CADM2: variants seen among roughly 807,000 people sequenced by gnomAD.
The protein encoded by CADM2 is immunoglobulin superfamily member 4D.
In CADM2, 12 loss-of-function variants were observed where a neutral mutation model predicts 49.8. The ratio of observed to expected loss-of-function variants is 0.24; its 90% CI spans 0.15 to 0.39. The LOEUF (loss-of-function observed/expected upper bound fraction) is 0.39, where lower values mean the gene tolerates loss of function less well. Ranked by LOEUF, CADM2 falls within the 10% of genes least tolerant of loss-of-function variation. The pLI, the probability that CADM2 is intolerant of heterozygous loss-of-function variation, is 1.00. For missense variants in CADM2, 378 were observed against 492.3 expected, an observed-to-expected ratio of 0.77 and a Z score of 2.20; for synonymous variants, 214 against 175.4, an observed-to-expected ratio of 1.22 and a Z score of -1.74.
intron 1 of CADM2, among the ~76,000 whole-genome samples, chr3:85,178,962 T>C (rs1465483569): frequency 6.6e-6 from 1 of 151,934 alleles, no homozygotes; most frequent in Non-Finnish European, 1.5e-5. Context: ...AATTATACTT[T>C]TGAATGAAGA....
intron 1 of CADM2, among the ~76,000 whole-genome samples, chr3:85,707,118 C>T (rs578245841): frequency 1.3e-5 from 2 of 152,110 alleles, no homozygotes; most frequent in Non-Finnish European, 2.9e-5. Flanking sequence ...AGGCATGAGC[C>T]ACCAAGCCCA....
intron 1 of CADM2, among the ~76,000 whole-genome samples, chr3:85,416,166 C>A (rs2035911177): frequency 6.6e-6 from 1 of 152,000 alleles, no homozygotes; most frequent in African/African-American, 2.4e-5. Flanking sequence ...GTGAATAAAG[C>A]TCAGTTGTTT....
In CADM2 at chr3:85,875,242, AT is replaced by A. The variant is rs889601582; in HGVS notation, c.239-8040del. Among the ~76,000 whole-genome samples the A allele has an allele frequency of 4.4e-3, 665 of 151,414 alleles. 5 individuals are homozygous for A. The highest frequency in any genetic ancestry group is 0.014 in the African/African-American group (599 of 41,334). Reference sequence around the variant, plus strand: ...TTATTCTGTCTGTAATACAAATCTTATTTTTTTTTCCTGGCAATTTGTACTA... The same window carrying A: ...TTATTCTGTCTGTAATACAAATCTTATTTTTTTTCCTGGCAATTTGTACTA... On this transcript the variant is annotated intron_variant, in intron 3 of 9. Transcript: ENST00000383699.
At chr3:85,456,482 T>C (rs574014895) in intron 1 of CADM2, among the ~76,000 whole-genome samples, 4 of 152,326 alleles carry the variant, frequency 2.6e-5, no homozygotes, top group African/African-American at 9.6e-5. Flanking sequence ...TGATATTCTG[T>C]GCAGTCTTAA....
intron 1 of CADM2, among the ~76,000 whole-genome samples, chr3:85,269,884 T>C (rs1215697112): frequency 6.6e-6 from 1 of 151,414 alleles, no homozygotes; most frequent in Non-Finnish European, 1.5e-5. Flanking sequence ...CTTTTAGAAA[T>C]GCTTCAAAAT....
chr3:85,633,699 G>C (rs188679271), intron 1 of CADM2, among the ~76,000 whole-genome samples: 1 of 152,126 alleles, frequency 6.6e-6, no homozygotes, highest in East Asian at 1.9e-4. Flanking sequence ...ACTGTATGCA[G>C]AGAATAACTT....
At chr3:85,110,747 C>G (rs1334081529) in intron 1 of CADM2, among the ~76,000 whole-genome samples, 1 of 151,686 alleles carries the variant, frequency 6.6e-6, no homozygotes, top group Non-Finnish European at 1.5e-5. Context: ...AATTATTTAT[C>G]TAATTATTTT....
intron 8 of CADM2, among the ~76,000 whole-genome samples, chr3:86,007,031 C>T (rs925455602): frequency 6.6e-6 from 1 of 151,826 alleles, no homozygotes; most frequent in Non-Finnish European, 1.5e-5. Flanking sequence ...CAGAGTGAGA[C>T]TCCATCTCAA....
chr3:85,527,818 T>C (rs2061198078), intron 1 of CADM2, among the ~76,000 whole-genome samples: 1 of 152,238 alleles, frequency 6.6e-6, no homozygotes, highest in Non-Finnish European at 1.5e-5. Flanking sequence ...TTAAAATGCT[T>C]TGCATTAACA....
chr3:85,308,024 C>T (rs578186185), intron 1 of CADM2, among the ~76,000 whole-genome samples: 110 of 151,282 alleles, frequency 7.3e-4, no homozygotes, highest in Non-Finnish European at 1.3e-3. Flanking sequence ...AAATGTGCAA[C>T]GTTTATAAAT....
intron 1 of CADM2, among the ~76,000 whole-genome samples, chr3:85,182,454 C>T (rs193054091): frequency 8.5e-5 from 13 of 152,078 alleles, no homozygotes; most frequent in Non-Finnish European, 1.6e-4. Context: ...CTAAAATCTA[C>T]AATTCTTGAT....
intron 3 of CADM2, among the ~76,000 whole-genome samples, chr3:85,807,871 AT>A (rs1677195558): frequency 6.6e-6 from 1 of 152,164 alleles, no homozygotes; most frequent in Admixed American, 6.5e-5. Flanking sequence ...AAAAACATGC[AT>A]CAAATATTCA....
At chr3:85,930,185 A>T (rs1194780543) in intron 6 of CADM2, among the ~76,000 whole-genome samples, 4 of 152,190 alleles carry the variant, frequency 2.6e-5, no homozygotes, top group African/African-American at 9.6e-5. Flanking sequence ...TTACACATGT[A>T]GTACTTGCAT....
chr3:84,989,781 T>C (rs543734347), intron 1 of CADM2, among the ~76,000 whole-genome samples: 3 of 152,128 alleles, frequency 2.0e-5, no homozygotes, highest in African/African-American at 7.2e-5. Flanking sequence ...ACTGAAATAA[T>C]TTTTTTAACT....
chr3:85,381,296 C>A (rs2033890600), intron 1 of CADM2, among the ~76,000 whole-genome samples: 1 of 150,442 alleles, frequency 6.6e-6, no homozygotes, highest in African/African-American at 2.5e-5. Context: ...TTAGGCATTA[C>A]ATGTAATTGA....
intron 1 of CADM2, among the ~76,000 whole-genome samples, chr3:85,191,480 T>A (rs1194959541): frequency 1.3e-5 from 2 of 152,046 alleles, no homozygotes; most frequent in Non-Finnish European, 2.9e-5. Context: ...TTTGTTATAA[T>A]CCCCACTTTT....
At chr3:85,820,074 A>G (rs2108176878) in intron 3 of CADM2, among the ~76,000 whole-genome samples, 1 of 152,242 alleles carries the variant, frequency 6.6e-6, no homozygotes, top group East Asian at 1.9e-4. Context: ...TAGTGAGCCA[A>G]GCAGAGAAGC....
chr3:85,950,089 A>G (rs1433973696), intron 7 of CADM2, among the ~76,000 whole-genome samples: 1 of 151,226 alleles, frequency 6.6e-6, no homozygotes, highest in African/African-American at 2.4e-5. Flanking sequence ...AAATTTTAAT[A>G]GTCAATAATT....
rs191677447 is a variant in CADM2, at chr3:85,457,235, A to C, written c.62-269287A>C. The stretch of plus-strand genomic sequence containing the variant: ...TGGTACCAGTCTGGGCAACATGGCA[A>C]AACACCATCTCTACAAAATACATAA... On this transcript the variant is annotated intron_variant, in intron 1 of 9. Transcript: ENST00000383699. 2.1e-3 allele frequency among the ~76,000 whole-genome samples: 315 copies of C among 152,194 alleles called. 2 individuals are homozygous for C. The highest frequency in any genetic ancestry group is 7.3e-3 in the African/African-American group (303 of 41,530).
Sources: allele counts gnomAD v4.1 joint callset (sites outside exome capture counted in the v4.1 genomes callset), GRCh38; gene constraint gnomAD v4.1.1; transcripts MANE v1.5; gene names NCBI Gene and HGNC (gene_info 2026-07-23, HGNC 2026-07-21).